The following ODR4 variants were observed in gnomAD, a reference collection of about 807,000 sequenced individuals.
ODR4 encodes protein odr-4 homolog.
A neutral mutation model predicts 60.2 loss-of-function variants in ODR4; 47 were observed. That is an observed-to-expected ratio of 0.78 (90% CI 0.62 to 1.00). ODR4 has a LOEUF of 1.00. Ranked by LOEUF, ODR4 falls within the 50% of genes least tolerant of loss-of-function variation. ODR4 has a pLI of 0.00. For synonymous variants in ODR4, 178 were observed against 175.5 expected (o/e 1.01, Z -0.11); for missense variants, 488 against 530.8 (o/e 0.92, Z 0.79).
At chr1:186,382,942 G>A in intron 2 of ODR4, 80 bp from the exon 3 acceptor site, 1 of 1,403,222 alleles carries the variant, frequency 7.1e-7, no homozygotes, top group African/African-American at 1.4e-5. Flanking sequence ...TGTCATAAAA[G>A]CTAAGGAATT....
intron 12 of ODR4, among the ~76,000 whole-genome samples, chr1:186,407,149 G>T (rs1313344932): frequency 6.6e-6 from 1 of 152,060 alleles, no homozygotes; most frequent in Non-Finnish European, 1.5e-5. Context: ...GCTTGTTTCA[G>T]TGGGGAAAAT....
intron 6 of ODR4, among the ~76,000 whole-genome samples, chr1:186,390,454 T>G (rs1278844192): frequency 6.6e-6 from 1 of 152,162 alleles, no homozygotes; most frequent in Non-Finnish European, 1.5e-5. Context: ...ATTCTAAACA[T>G]GGAAATTTCT....
intron 1 of ODR4, among the ~76,000 whole-genome samples, chr1:186,378,201 T>A (rs1312400808): frequency 1.3e-5 from 2 of 152,254 alleles, no homozygotes; most frequent in African/African-American, 4.8e-5. Context: ...AACCGTTTTG[T>A]GACTGACAGT....
intron 4 of ODR4, 69 bp downstream of exon 4, chr1:186,386,152 T>A: frequency 1.2e-6 from 1 of 854,548 alleles, no homozygotes; most frequent in Non-Finnish European, 1.8e-6. Context: ...TATGAGTATG[T>A]GTAATGATTC....
In ODR4 at chr1:186,418,289, CTTTT is replaced by C. The variant is rs35821609; in HGVS notation, c.1297+651_1297+654del. Among the ~76,000 whole-genome samples the C allele has an allele frequency of 5.8e-4, 64 of 110,368 alleles. 1 individual carries two copies. Among genetic ancestry groups the C allele is most frequent in the Non-Finnish European group, 9.7e-4 (52 of 53,742 alleles). The allele number at this position is 110,368 out of a possible 152,430, so 72.4% of individuals were successfully genotyped here. On this transcript the variant is annotated intron_variant, in intron 13 of 13. Coordinates refer to ENST00000287859, the MANE Select transcript of ODR4 (RefSeq NM_017847.6). ...ACTACTATGGTCATTTTCTTTCTTT[CTTTT>C]TTTTTTTTTTTTTTTGAGACGGAGT...
At chr1:186,380,290 T>C (rs2102012492) in intron 2 of ODR4, among the ~76,000 whole-genome samples, 1 of 152,318 alleles carries the variant, frequency 6.6e-6, no homozygotes, top group Non-Finnish European at 1.5e-5. Flanking sequence ...CTAATTTGTG[T>C]TGTCTTATAT....
chr1:186,388,323 T>A, intron 4 of ODR4, 119 bp from the exon 5 acceptor site: 1 of 584,870 alleles, frequency 1.7e-6, no homozygotes, highest in Non-Finnish European at 2.9e-6. Flanking sequence ...CTCCAATAAA[T>A]AAAGAATCAT....
chr1:186,384,112 C>T (rs1350657946), intron 3 of ODR4, among the ~76,000 whole-genome samples: 3 of 152,106 alleles, frequency 2.0e-5, no homozygotes, highest in African/African-American at 7.2e-5. Flanking sequence ...TTAAGGAATA[C>T]CTAAGACTGA....
chr1:186,385,198 C>G (rs750592294), intron 3 of ODR4, among the ~76,000 whole-genome samples: 2 of 151,078 alleles, frequency 1.3e-5, no homozygotes, highest in African/African-American at 4.9e-5. Context: ...TTAGATATAG[C>G]AAAGATGCCC....
chr1:186,408,598 TTATA>T lies in ODR4; in HGVS notation c.1186+2334_1186+2337del, dbSNP rs931058400. ...TGTGTATGTATGTAAACAAAAATGT[TTATA>T]TATGTGAACATGTTTATATGTTTAT... On this transcript the variant is annotated intron_variant, in intron 12 of 13. Transcript: ENST00000287859. Among the ~76,000 whole-genome samples the T allele has an allele frequency of 1.2e-3, 187 of 149,958 alleles. 1 individual carries two copies. Among genetic ancestry groups the T allele is most frequent in the African/African-American group, 4.2e-3 (172 of 41,178 alleles).
downstream of ODR4, among the ~76,000 whole-genome samples, chr1:186,426,054 A>T (rs1438931364): frequency 6.6e-6 from 1 of 152,170 alleles, no homozygotes; most frequent in Non-Finnish European, 1.5e-5. Context: ...AGCAATTGCC[A>T]TGAGCTTATT....
At chr1:186,383,985 G>A (rs565307510) in intron 3 of ODR4, among the ~76,000 whole-genome samples, 2 of 152,288 alleles carry the variant, frequency 1.3e-5, no homozygotes, top group Admixed American at 1.3e-4. Flanking sequence ...GTTGCAATGA[G>A]CCAAGATCAC....
In ODR4 at chr1:186,419,191, A is replaced by T. The variant is rs933925090; in HGVS notation, c.*115A>T. 1 of 880,772 alleles carries T rather than the reference A, an allele frequency of 1.1e-6. No homozygotes were observed. The highest frequency in any genetic ancestry group is 2.7e-5 in the East Asian group (1 of 37,568). The allele number at this position is 880,772 out of a possible 1,614,324, so 54.6% of individuals were successfully genotyped here. A position where few individuals can be genotyped will look rare whatever the true frequency, so the allele number is the denominator to read the frequency against. ...AACACTAGCAGCCAGATCTGCTGCC[A>T]TGATGCCTATTTGGTGTGTTTCTGA... is the stretch of plus-strand genomic sequence containing the variant. On this transcript the variant is annotated 3_prime_UTR_variant, in exon 14 of 14. Coordinates refer to ENST00000287859, the MANE Select transcript of ODR4 (RefSeq NM_017847.6).
At chr1:186,395,238 G>A (rs1331485828) in intron 9 of ODR4, among the ~76,000 whole-genome samples, 1 of 151,148 alleles carries the variant, frequency 6.6e-6, no homozygotes, top group East Asian at 2.0e-4. Flanking sequence ...GGGACTACAG[G>A]CGCCTGCCAC....
intron 1 of ODR4, among the ~76,000 whole-genome samples, chr1:186,377,187 G>A (rs763533657): frequency 1.1e-4 from 16 of 151,990 alleles, no homozygotes; most frequent in Non-Finnish European, 2.1e-4. Flanking sequence ...ATATTGTTTA[G>A]GGAATAGTGA....
chr1:186,430,445 G>A, the ODR4 span, among the ~76,000 whole-genome samples: 1 of 152,038 alleles, frequency 6.6e-6, no homozygotes, highest in Admixed American at 6.5e-5. Context: ...CTTAATGATA[G>A]AGATGAAGGT....
At chr1:186,393,908 G>A (rs779203227) in intron 8 of ODR4, 39 bp from the exon 9 acceptor site, 5 of 1,074,994 alleles carry the variant, frequency 4.7e-6, no homozygotes, top group South Asian at 2.8e-5. Flanking sequence ...TGTTTTACAG[G>A]CTTCACAGTT....
At chr1:186,377,001 C>T (rs1378150787) in intron 1 of ODR4, among the ~76,000 whole-genome samples, 2 of 152,128 alleles carry the variant, frequency 1.3e-5, no homozygotes, top group African/African-American at 4.8e-5. Flanking sequence ...ATACAGTTGT[C>T]CCTTGGTATC....
At position 186,390,829 on chromosome 1, in the gene ODR4, A is replaced by G. The variant is rs1660441706; in HGVS notation, c.593A>G (p.Tyr198Cys). 1 of 1,612,910 alleles carries G rather than the reference A, an allele frequency of 6.2e-7. No individual in the cohort carries two copies. ...HIPLSATSVS[Y>C]TLEKNTKNGL... ...CCACTTTCTGCTACTTCTGTCAGCT[A>G]TACTCTGGAGAAAAATACAAAGGTA... Residue 198 changes from tyrosine (Y) to cysteine (C), a missense_variant, in exon 7 of 14, where the codon TAT (tyrosine) becomes TGT (cysteine). By Grantham distance (194) the Tyr-to-Cys change is radical. Transcript: ENST00000287859.
Sources: allele counts gnomAD v4.1 joint callset (sites outside exome capture counted in the v4.1 genomes callset), GRCh38; gene constraint gnomAD v4.1.1; transcripts MANE v1.5; gene names NCBI Gene and HGNC (gene_info 2026-07-23, HGNC 2026-07-21).